Variants in DSG3 observed in about 807,000 individuals in gnomAD.
The protein encoded by DSG3 is desmoglein 3.
A neutral mutation model predicts 85.9 loss-of-function variants in DSG3; 63 were observed. The observed-to-expected ratio is 0.73, with a 90% CI of 0.60 to 0.90. DSG3 has a LOEUF of 0.90. DSG3 is among the 40% of genes least tolerant of loss of function. The probability of loss-of-function intolerance (pLI) is 0.00; values close to 1 mark genes in which losing one functional copy is unlikely to be tolerated. For missense variants in DSG3, 1,220 were observed against 1,219.9 expected, an observed-to-expected ratio of 1.00 and a Z score of 0.00; for synonymous variants, 447 against 441.9, an observed-to-expected ratio of 1.01 and a Z score of -0.14.
At chr18:31,448,911 GTTT>G (rs2072694858) in intron 1 of DSG3, among the ~76,000 whole-genome samples, 1 of 151,992 alleles carries the variant, frequency 6.6e-6, no homozygotes, top group African/African-American at 2.4e-5. Context: ...TTTTGTTTTT[GTTT>G]TTGTTTTTGA....
chr18:31,464,218 A>T lies in DSG3; in HGVS notation c.1107A>T (p.Pro369=). Residue 369 remains proline, a synonymous_variant, in exon 9 of 16, where the codon CCA becomes CCT. Transcript: ENST00000257189. ...CTCGATACCGAGTTCAGTCAACCCC[A>T]GTCACAATTCAGGTAATAAATGTAA... ...VISRYRVQST[P]VTIQVINVRE... is the part of the protein sequence containing the mutation. The T allele has an allele frequency of 6.2e-7, 1 of 1,614,172 alleles. No individual in the cohort carries two copies. The highest frequency in any genetic ancestry group is 8.5e-7 in the Non-Finnish European group (1 of 1,180,014).
At position 31,461,407 on chromosome 18, in the gene DSG3, G is replaced by A. The variant is rs202206106; in HGVS notation, c.994G>A (p.Val332Met). The A allele has an allele frequency of 2.5e-6, 4 of 1,612,360 alleles. No individual in the cohort carries two copies. In the East Asian group the frequency reaches 6.7e-5, roughly 27 times the overall value. Reference protein sequence around the residue: ...PRTNEGILKVVKALDYEQLQS... With the variant: ...PRTNEGILKVMKALDYEQLQS... ...AACTAATGAAGGCATCCTGAAAGTG[G>A]TGAAGGTAAGGTCTGACTTCCCTTC... Residue 332 changes from valine (V) to methionine (M), a missense_variant, in exon 8 of 16, where the codon GTG becomes ATG. Physicochemically the swap from Val to Met is conservative, Grantham distance 21 (BLOSUM62 1). Coordinates refer to ENST00000257189, the MANE Select transcript of DSG3 (RefSeq NM_001944.3).
intron 1 of DSG3, among the ~76,000 whole-genome samples, chr18:31,455,254 A>T (rs959458937): frequency 7.9e-5 from 12 of 151,940 alleles, no homozygotes; most frequent in African/African-American, 2.9e-4. Context: ...GCTGATACCG[A>T]AACTACACAA....
intron 2 of DSG3, 76 bp from the exon 3 acceptor site, chr18:31,456,917 T>C: frequency 6.8e-7 from 1 of 1,474,906 alleles, no homozygotes; most frequent in African/African-American, 1.4e-5. Context: ...GTTCCTCAAC[T>C]AGGTGTCTGT....
At chr18:31,458,955 G>C in intron 4 of DSG3, 78 bp from the exon 5 acceptor site, 2 of 1,500,488 alleles carry the variant, frequency 1.3e-6, no homozygotes, top group Non-Finnish European at 1.8e-6. Flanking sequence ...CATGCCAACA[G>C]AGGCCTTATT....
intron 6 of DSG3, among the ~76,000 whole-genome samples, chr18:31,460,249 G>A (rs2072775675): frequency 1.3e-5 from 2 of 152,174 alleles, no homozygotes; most frequent in Non-Finnish European, 2.9e-5. Context: ...TTAAATAGGG[G>A]CAATGAAAGA....
In DSG3 at chr18:31,474,252, G is replaced by A. The variant is rs1359221472; in HGVS notation, c.2233G>A (p.Ala745Thr). 1 of 1,614,160 alleles carries A rather than the reference G, an allele frequency of 6.2e-7. No individual in the cohort carries two copies. The highest frequency in any genetic ancestry group is 1.7e-5 in the Admixed American group (1 of 60,014). ...AGFATGTVSG[A>T]ASGFGAATGV... Reference sequence around the variant, plus strand: ...CTTTGCAACAGGGACAGTGTCAGGAGCTGCTTCAGGATTCGGAGCAGCCAC... The same window carrying A: ...CTTTGCAACAGGGACAGTGTCAGGAACTGCTTCAGGATTCGGAGCAGCCAC... Residue 745 changes from alanine to threonine, a missense_variant, in exon 15 of 16, where the codon GCT (alanine) becomes ACT (threonine). Transcript: ENST00000257189.
chr18:31,459,008 C>T lies in DSG3; in HGVS notation c.373-25C>T, dbSNP rs201322349. On this transcript the variant is annotated intron_variant, in intron 4 of 15. Transcript: ENST00000257189. ...TATGAAAACTGATTGCAGAGTAATA[C>T]TCCACATTTTCCCTCTGTTCCTAGA... 2.3e-3 allele frequency: 3,667 copies of T among 1,611,018 alleles called. 6 individuals carry two copies. The highest frequency in any genetic ancestry group is 2.9e-3 in the Non-Finnish European group (3,415 of 1,179,166).
chr18:31,475,050 A>G (rs2072878026), intron 15 of DSG3, among the ~76,000 whole-genome samples: 1 of 152,202 alleles, frequency 6.6e-6, no homozygotes, highest in African/African-American at 2.4e-5. Context: ...AAAAAAGGGG[A>G]GGCAAAAAGA....
chr18:31,474,234 A>G lies in DSG3; in HGVS notation c.2215A>G (p.Thr739Ala). 1 of 1,614,176 alleles carries G rather than the reference A, an allele frequency of 6.2e-7. No homozygotes were observed. The highest frequency in any genetic ancestry group is 1.1e-5 in the South Asian group (1 of 91,080). The change falls in exon 15 of 16, where the codon ACA becomes GCA. Residue 739 changes from threonine (T) to alanine (A), a missense_variant. Thr to Ala is a moderately conservative substitution (Grantham distance 58). Transcript: ENST00000257189. ...ATCTGGAGGTGCTGCAGGCTTTGCA[A>G]CAGGGACAGTGTCAGGAGCTGCTTC... Reference protein sequence around the residue: ...TESGGAAGFATGTVSGAASGF... With the variant: ...TESGGAAGFAAGTVSGAASGF...
chr18:31,463,060 A>C (rs1319138527), intron 8 of DSG3, among the ~76,000 whole-genome samples: 1 of 152,174 alleles, frequency 6.6e-6, no homozygotes, highest in Non-Finnish European at 1.5e-5. Context: ...GCTAGCTCCT[A>C]GCCCTTTAAG....
intron 11 of DSG3, among the ~76,000 whole-genome samples, chr18:31,468,530 G>C (rs2072835842): frequency 6.6e-6 from 1 of 152,186 alleles, no homozygotes; most frequent in Admixed American, 6.5e-5. Context: ...AAGGAGGCAG[G>C]TGTAGACAGA....
rs775103974 is a variant in DSG3, at chr18:31,461,388, T to C, written c.975T>C (p.Asn325=). Residue 325 remains asparagine (N), a synonymous_variant, in exon 8 of 16, where the codon AAT becomes AAC. Coordinates refer to ENST00000257189, the MANE Select transcript of DSG3 (RefSeq NM_001944.3). ...AAATACAAACTGATCCTAGAACTAA[T>C]GAAGGCATCCTGAAAGTGGTGAAGG... ...WFEIQTDPRT[N]EGILKVVKAL... is the part of the protein sequence containing the mutation. 6.2e-7 allele frequency: 1 copy of C among 1,613,246 alleles called. No homozygotes were observed. Among genetic ancestry groups the C allele is most frequent in the Non-Finnish European group, 8.5e-7 (1 of 1,179,740 alleles).
intron 11 of DSG3, 70 bp downstream of exon 11, chr18:31,466,824 T>G (rs1459024546): frequency 7.2e-7 from 1 of 1,398,334 alleles, no homozygotes; most frequent in Non-Finnish European, 1.0e-6. Flanking sequence ...ATAAGGAAGA[T>G]CATTTAAGAG....
intron 1 of DSG3, among the ~76,000 whole-genome samples, chr18:31,451,590 C>G (rs2144259575): frequency 6.6e-6 from 1 of 152,232 alleles, no homozygotes; most frequent in East Asian, 1.9e-4. Flanking sequence ...TCTAAGATAT[C>G]TCTTCTTCTC....
rs568437499 is a variant in DSG3 at position 31,463,968 on chromosome 18, T to C, written c.1000-143T>C. On this transcript the variant is annotated intron_variant, in intron 8 of 15. Coordinates refer to ENST00000257189, the MANE Select transcript of DSG3 (RefSeq NM_001944.3). ...TCCTAAAGCTTTCTCTGTCTCAACA[T>C]TACAATAATTTCTGAAGCTGTTTTG... The C allele has an allele frequency of 2.1e-5, 17 of 801,678 alleles. No homozygotes were observed. In the South Asian group the frequency reaches 2.8e-4, roughly 13 times the overall value. The allele number at this position is 801,678 out of a possible 1,614,324, so 49.7% of individuals were successfully genotyped here. A position where few individuals can be genotyped will look rare whatever the true frequency, so the allele number is the denominator to read the frequency against.
chr18:31,462,439 A>G lies in DSG3; in HGVS notation c.999+1027A>G, dbSNP rs2072792613. On this transcript the variant is annotated intron_variant, in intron 8 of 15. Coordinates refer to ENST00000257189, the MANE Select transcript of DSG3 (RefSeq NM_001944.3). ...AACCTTAAATCCAGTTGAGTGACAG[A>G]CCATATAATCCTTTAACAAGGGGGC... 2.0e-5 allele frequency among the ~76,000 whole-genome samples: 3 copies of G among 152,100 alleles called. No homozygotes were observed. In the South Asian group the frequency reaches 6.2e-4, roughly 32 times the overall value.
rs1251512428 is a variant in DSG3 at position 31,471,398 on chromosome 18, G to GAT, written c.1898-883_1898-882dup. On this transcript the variant is annotated intron_variant, in intron 12 of 15. Coordinates refer to ENST00000257189, the MANE Select transcript of DSG3 (RefSeq NM_001944.3). ...ATGAGTTAACTGAGCAAAGAAGGAT[G>GAT]ATATTACATGCCCAACATTACATAG... 4.9e-4 allele frequency among the ~76,000 whole-genome samples: 74 copies of GAT among 152,278 alleles called. 1 individual carries two copies. Among genetic ancestry groups the GAT allele is most frequent in the African/African-American group, 1.8e-3 (73 of 41,548 alleles).
chr18:31,468,049 T>G (rs2072832759), intron 11 of DSG3, among the ~76,000 whole-genome samples: 1 of 152,186 alleles, frequency 6.6e-6, no homozygotes, highest in Non-Finnish European at 1.5e-5. Flanking sequence ...TTGGACTAGG[T>G]GGGCAAGGCA....
Sources: gnomAD v4.1 joint callset for allele counts (sites outside exome capture counted in the v4.1 genomes callset) on GRCh38, gnomAD v4.1.1 for gene constraint, MANE v1.5 for transcripts, NCBI Gene and HGNC (gene_info 2026-07-23, HGNC 2026-07-21) for gene names.